Variants in WASHC2A observed in about 807,000 individuals in gnomAD.
WASHC2A encodes the protein WASH complex subunit 2A.
WASHC2A carries 82 observed loss-of-function variants against 140.3 expected under a neutral mutation model. The ratio of observed to expected loss-of-function variants is 0.58; its 90% confidence interval spans 0.49 to 0.70. The LOEUF is 0.70. Among genes scored for constraint, WASHC2A ranks in the 30% least tolerant of loss-of-function variants. The probability of loss-of-function intolerance (pLI) is 0.00; values close to 1 mark genes in which losing one functional copy is unlikely to be tolerated. For synonymous variants in WASHC2A, 340 were observed against 560.8 expected (o/e 0.61, Z 5.56); for missense variants, 985 against 1,521.8 (o/e 0.65, Z 5.87).
chr10:50,124,253 G>A (rs1233938478), intron 23 of WASHC2A, among the ~76,000 whole-genome samples: 4 of 151,680 alleles, frequency 2.6e-5, no homozygotes, highest in African/African-American at 7.3e-5. Flanking sequence ...ACAGGCACAC[G>A]CCACCACACC....
At chr10:50,094,769 T>C (rs1840297069) in intron 13 of WASHC2A, among the ~76,000 whole-genome samples, 1 of 151,268 alleles carries the variant, frequency 6.6e-6, no homozygotes, top group Non-Finnish European at 1.5e-5. Flanking sequence ...TTTGCGGTTC[T>C]TTTTCACCCG....
At chr10:50,094,369 C>T (rs1417077897) in intron 13 of WASHC2A, among the ~76,000 whole-genome samples, 3 of 144,662 alleles carry the variant, frequency 2.1e-5, no homozygotes, top group East Asian at 4.0e-4. Flanking sequence ...CCATGTTGGA[C>T]GGTTGGACAG....
Position 50,133,030 on chromosome 10 carries a change from T to C in WASHC2A, c.*85T>C. On this transcript the variant is annotated 3_prime_UTR_variant, in exon 31 of 31. Coordinates refer to ENST00000282633, the MANE Select transcript of WASHC2A (RefSeq NM_001005751.3). ...GTATATGCTGATGGTCTTAACTGGATTACAAAAAGCAAATACTAGAACAGC... is the reference window on the plus strand; with the variant it reads ...GTATATGCTGATGGTCTTAACTGGACTACAAAAAGCAAATACTAGAACAGC... 1 of 1,606,334 alleles carries C rather than the reference T, an allele frequency of 6.2e-7. No homozygotes were observed.
intron 13 of WASHC2A, among the ~76,000 whole-genome samples, chr10:50,094,791 C>T (rs1182594245): frequency 6.6e-6 from 1 of 151,156 alleles, no homozygotes; most frequent in South Asian, 2.1e-4. Flanking sequence ...TCATTCTCAT[C>T]CAACTGGAAT....
chr10:50,115,843 T>C (rs1298278606), intron 21 of WASHC2A, among the ~76,000 whole-genome samples: 5,632 of 144,350 alleles, frequency 0.039, 8 homozygotes, highest in African/African-American at 0.073. Context: ...TGACCAGGCG[T>C]GGTGGCTCAC....
Position 50,068,051 on chromosome 10 carries a change from C to G in WASHC2A, c.3+43C>G, listed in dbSNP as rs371372722. ...GAGAGAGGCCGGCCTGGGCTGGGGC[C>G]GCCGTCCCTGCCGCCCTCAGGCTCA... On this transcript the variant is annotated intron_variant, in intron 1 of 30. Transcript: ENST00000282633. The G allele has an allele frequency of 2.5e-6, 4 of 1,608,036 alleles. No individual in the cohort carries two copies. In the Admixed American group the frequency reaches 5.0e-5, roughly 20 times the overall value.
chr10:50,126,022 T>C lies in WASHC2A; in HGVS notation c.2689-35T>C, dbSNP rs781837147. 2.5e-6 allele frequency: 4 copies of C among 1,609,660 alleles called. No individual in the cohort carries two copies. In the African/African-American group the frequency reaches 5.4e-5, roughly 22 times the overall value. Reference sequence around the variant, plus strand: ...ATTTTTCCTTAAAATTTCTAAGATATTTGATGGCTTTTTGGTATTTTTTTT... The same window carrying C: ...ATTTTTCCTTAAAATTTCTAAGATACTTGATGGCTTTTTGGTATTTTTTTT... On this transcript the variant is annotated intron_variant, in intron 25 of 30. Coordinates refer to ENST00000282633, the MANE Select transcript of WASHC2A (RefSeq NM_001005751.3).
At chr10:50,070,591 C>T (rs1400550967) in intron 3 of WASHC2A, among the ~76,000 whole-genome samples, 1 of 147,724 alleles carries the variant, frequency 6.8e-6, no homozygotes, top group African/African-American at 2.5e-5. Flanking sequence ...CATGTTTGTG[C>T]ATTTTTTAAT....
chr10:50,130,699 C>T (rs1438501027), intron 29 of WASHC2A, among the ~76,000 whole-genome samples: 1 of 152,154 alleles, frequency 6.6e-6, no homozygotes, highest in Non-Finnish European at 1.5e-5. Flanking sequence ...GGTGTCACTG[C>T]AGTGCCGGCA....
Position 50,069,636 on chromosome 10 carries a change from C to G in WASHC2A, c.216C>G (p.Thr72=). ...KKQVDGLIRE[T]KATDCRLHNV... Reference sequence around the variant, plus strand: ...AAGTGGACGGACTAATTCGGGAAACCAAAGCCACAGATTGTCGCCTGCATA... The same window carrying G: ...AAGTGGACGGACTAATTCGGGAAACGAAAGCCACAGATTGTCGCCTGCATA... Residue 72 remains threonine (T), a synonymous_variant, in exon 3 of 31, where the codon ACC becomes ACG. Coordinates refer to ENST00000282633, the MANE Select transcript of WASHC2A (RefSeq NM_001005751.3). 1 of 1,613,944 alleles carries G rather than the reference C, an allele frequency of 6.2e-7. No individual in the cohort carries two copies. Among genetic ancestry groups the G allele is most frequent in the Non-Finnish European group, 8.5e-7 (1 of 1,179,862 alleles).
rs545145937 is a variant in WASHC2A, at chr10:50,068,862, C to T, written c.126+635C>T. 3.4e-5 allele frequency among the ~76,000 whole-genome samples: 5 copies of T among 145,682 alleles called. No homozygotes were observed. The East Asian group carries it at 9.7e-4, about 28-fold the overall frequency. ...GAGAAGCTGGGACTATAGGCGTCCACCACACCTGTCTGATTTGTTTATTTA... is the reference window on the plus strand; with the variant it reads ...GAGAAGCTGGGACTATAGGCGTCCATCACACCTGTCTGATTTGTTTATTTA... On this transcript the variant is annotated intron_variant, in intron 2 of 30. Transcript: ENST00000282633.
rs1472959397 is a variant in WASHC2A, at chr10:50,102,456, A to T, written c.1636-1586A>T. 4.6e-5 allele frequency among the ~76,000 whole-genome samples: 7 copies of T among 152,010 alleles called. No individual in the cohort carries two copies. The East Asian group carries it at 1.4e-3, about 29-fold the overall frequency. On this transcript the variant is annotated intron_variant, in intron 17 of 30. Coordinates refer to ENST00000282633, the MANE Select transcript of WASHC2A (RefSeq NM_001005751.3). ...TTGTTCTTTGCTTTGGTTTACTTTC[A>T]TTTTCTTAGAACAGCAGAACCCTTT...
intron 29 of WASHC2A, among the ~76,000 whole-genome samples, 197 bp downstream of exon 29, chr10:50,130,236 T>G (rs1843823497): frequency 6.6e-6 from 1 of 150,892 alleles, no homozygotes; most frequent in African/African-American, 2.4e-5. Context: ...GCATGTAGAT[T>G]GTATTTCTTG....
At chr10:50,108,889 GAAAA>G (rs1182148936) in intron 19 of WASHC2A, among the ~76,000 whole-genome samples, 10 of 75,648 alleles carry the variant, frequency 1.3e-4, no homozygotes, top group South Asian at 4.8e-4. Flanking sequence ...CTCGAAAAAG[GAAAA>G]AAAAAAAAAA....
chr10:50,106,564 T>C (rs1841803560), intron 19 of WASHC2A, 99 bp downstream of exon 19: 3 of 1,527,354 alleles, frequency 2.0e-6, no homozygotes, highest in East Asian at 4.5e-5. Context: ...TATCTCGTGA[T>C]GTTCAGTCAC....
chr10:50,068,527 G>A (rs1837504583), intron 2 of WASHC2A, among the ~76,000 whole-genome samples: 1 of 151,440 alleles, frequency 6.6e-6, no homozygotes, highest in Admixed American at 6.6e-5. Context: ...CTAGGGAGGC[G>A]ATTCCTGTTG....
chr10:50,117,634 T>G (rs1305256014), intron 21 of WASHC2A, among the ~76,000 whole-genome samples: 1 of 147,802 alleles, frequency 6.8e-6, no homozygotes, highest in Non-Finnish European at 1.5e-5. Flanking sequence ...GTGGCAGAGA[T>G]AAGGATCTGA....
Position 50,129,713 on chromosome 10 carries a change from G to A in WASHC2A, c.3382G>A (p.Asp1128Asn), listed in dbSNP as rs1383022294. The part of the protein sequence containing the change: ...KSLGHSRGEA[D>N]LFDSGDIFST... ...TCTGGGTCATTCCAGAGGGGAGGCT[G>A]ACCTTTTTGATTCTGGGGACATCTT... is the stretch of plus-strand genomic sequence containing the variant. Residue 1128 changes from aspartate to asparagine, a missense_variant, in exon 29 of 31, where the codon GAC (aspartate) becomes AAC (asparagine). Asp to Asn is a conservative substitution (Grantham distance 23). Transcript: ENST00000282633. The A allele has an allele frequency of 1.9e-6, 3 of 1,611,962 alleles. No homozygotes were observed. The highest frequency in any genetic ancestry group is 4.5e-5 in the East Asian group (2 of 44,890).
In WASHC2A at chr10:50,131,095, A is replaced by G. The variant is rs1375886800; in HGVS notation, c.3886+17A>G. ...ATGATATGGGTAAGTTTGGTTTTCT[A>G]CATCTGACCTAGAGAATTCTTACCT... On this transcript the variant is annotated intron_variant, in intron 30 of 30. Transcript: ENST00000282633. 1 of 1,612,024 alleles carries G rather than the reference A, an allele frequency of 6.2e-7. No homozygotes were observed. The highest frequency in any genetic ancestry group is 1.7e-5 in the Admixed American group (1 of 60,026).
Sources: gnomAD v4.1 joint callset for allele counts (sites outside exome capture counted in the v4.1 genomes callset) on GRCh38, gnomAD v4.1.1 for gene constraint, MANE v1.5 for transcripts, NCBI Gene and HGNC (gene_info 2026-07-23, HGNC 2026-07-21) for gene names.